HPSE2: variants seen among roughly 807,000 people sequenced by gnomAD.
HPSE2 encodes the protein inactive heparanase-2.
Under a neutral mutation model 60.5 loss-of-function variants are expected in HPSE2, and 38 were observed. The ratio of observed to expected loss-of-function variants is 0.63; its 90% CI spans 0.48 to 0.82. The LOEUF (loss-of-function observed/expected upper bound fraction) is 0.82, where lower values mean the gene tolerates loss of function less well. Ranked by LOEUF, HPSE2 falls within the 40% of genes least tolerant of loss-of-function variation. HPSE2 has a pLI of 0.00. For synonymous variants in HPSE2, 295 were observed against 293.2 expected (o/e 1.01, Z -0.06); for missense variants, 713 against 740.4 (o/e 0.96, Z 0.43).
rs550649297 is a variant in HPSE2, at chr10:98,991,455, A to G, written c.610+152783T>C. Among the ~76,000 whole-genome samples, 3 of 152,290 alleles carry G rather than the reference A, an allele frequency of 2.0e-5. No individual in the cohort carries two copies. In the East Asian group the frequency reaches 5.8e-4, roughly 29 times the overall value. ...ATTTTAAGGAAGAGTAAAGAGGCCA[A>G]TGAATATAACAAATAAGAGAGTAGG... On this transcript the variant is annotated intron_variant, in intron 3 of 11. Transcript: ENST00000370552.
chr10:98,975,915 A>T (rs1589449838), intron 3 of HPSE2, among the ~76,000 whole-genome samples: 1 of 152,294 alleles, frequency 6.6e-6, no homozygotes, highest in East Asian at 1.9e-4. Flanking sequence ...CATTTTAGAG[A>T]AAAAGGCTAA....
chr10:98,884,367 G>A (rs1391916353), intron 3 of HPSE2, among the ~76,000 whole-genome samples: 2 of 152,140 alleles, frequency 1.3e-5, no homozygotes, highest in South Asian at 2.1e-4. Flanking sequence ...GATTTTCGAC[G>A]TAGTTGAAAC....
intron 3 of HPSE2, among the ~76,000 whole-genome samples, chr10:99,143,000 G>A (rs1845917260): frequency 6.6e-6 from 1 of 152,000 alleles, no homozygotes; most frequent in Non-Finnish European, 1.5e-5. Context: ...AAATACATAT[G>A]AGGTTGACTG....
chr10:99,055,855 G>A (rs927832097), intron 3 of HPSE2, among the ~76,000 whole-genome samples: 3 of 151,996 alleles, frequency 2.0e-5, no homozygotes, highest in African/African-American at 7.2e-5. Context: ...AGCTTTAAGC[G>A]CCTATATTAG....
At chr10:98,683,218 G>A (rs1233671265) in intron 6 of HPSE2, among the ~76,000 whole-genome samples, 1 of 152,038 alleles carries the variant, frequency 6.6e-6, no homozygotes, top group Non-Finnish European at 1.5e-5. Context: ...ACCTTTTTAT[G>A]TCTCTCTCCT....
At chr10:98,854,010 C>A (rs1294257535) in intron 3 of HPSE2, among the ~76,000 whole-genome samples, 9 of 152,030 alleles carry the variant, frequency 5.9e-5, no homozygotes, top group Non-Finnish European at 1.3e-4. Context: ...TTGTATGTCT[C>A]AATAATTTTA....
At chr10:98,551,228 T>C (rs1365949492) in intron 9 of HPSE2, among the ~76,000 whole-genome samples, 4 of 152,068 alleles carry the variant, frequency 2.6e-5, no homozygotes, top group African/African-American at 9.7e-5. Flanking sequence ...ATCAGGAAAG[T>C]AAGACAACCA....
At chr10:98,597,118 G>T (rs141450327) in intron 9 of HPSE2, among the ~76,000 whole-genome samples, 9,191 of 152,004 alleles carry the variant, frequency 0.06, 793 homozygotes, top group African/African-American at 0.18. Flanking sequence ...AGAACAGCAT[G>T]GGGGAAACTG....
At chr10:98,714,996 C>A (rs1388055104) in intron 5 of HPSE2, among the ~76,000 whole-genome samples, 1 of 151,838 alleles carries the variant, frequency 6.6e-6, no homozygotes, top group Non-Finnish European at 1.5e-5. Context: ...AATATGTCCA[C>A]TCATATCCTT....
intron 5 of HPSE2, among the ~76,000 whole-genome samples, chr10:98,701,401 A>G (rs1429965569): frequency 1.3e-5 from 2 of 150,158 alleles, no homozygotes; most frequent in African/African-American, 4.9e-5. Flanking sequence ...CAAAAAACCA[A>G]ACACCAAATA....
At chr10:98,741,753 C>T (rs561621792) in intron 4 of HPSE2, among the ~76,000 whole-genome samples, 2 of 152,264 alleles carry the variant, frequency 1.3e-5, no homozygotes, top group South Asian at 4.1e-4. Flanking sequence ...CCAAACAAAG[C>T]CTTTGGGCAT....
intron 3 of HPSE2, among the ~76,000 whole-genome samples, chr10:99,072,528 G>A (rs1842825315): frequency 6.6e-6 from 1 of 152,104 alleles, no homozygotes; most frequent in Non-Finnish European, 1.5e-5. Flanking sequence ...AGACATTCAT[G>A]CAGCTGACAA....
At chr10:98,726,197 G>T (rs1234663162) in intron 4 of HPSE2, among the ~76,000 whole-genome samples, 4 of 152,076 alleles carry the variant, frequency 2.6e-5, no homozygotes, top group African/African-American at 4.8e-5. Context: ...TATGTTTATT[G>T]TGGCACTATT....
At chr10:98,935,513 T>C (rs1398880443) in intron 3 of HPSE2, among the ~76,000 whole-genome samples, 1 of 144,326 alleles carries the variant, frequency 6.9e-6, no homozygotes, top group East Asian at 2.0e-4. Flanking sequence ...TTGCTTTCTA[T>C]TTGTTTCTTT....
chr10:98,695,132 A>G (rs1948178766), intron 5 of HPSE2, among the ~76,000 whole-genome samples: 1 of 152,206 alleles, frequency 6.6e-6, no homozygotes, highest in Non-Finnish European at 1.5e-5. Context: ...GGAGGAGTAC[A>G]TAAGAGAAAC....
At chr10:99,153,869 A>T (rs1198145395) in intron 2 of HPSE2, among the ~76,000 whole-genome samples, 2 of 151,404 alleles carry the variant, frequency 1.3e-5, no homozygotes, top group South Asian at 4.2e-4. Flanking sequence ...ATTTAGAAGA[A>T]TGTATAACTA....
intron 3 of HPSE2, among the ~76,000 whole-genome samples, chr10:99,020,467 G>A (rs1293592044): frequency 3.9e-5 from 6 of 152,150 alleles, no homozygotes; most frequent in Admixed American, 6.5e-5. Flanking sequence ...GTATCCTAGT[G>A]CATTTCAGTG....
intron 2 of HPSE2, among the ~76,000 whole-genome samples, chr10:99,224,082 T>A (rs1849398169): frequency 6.6e-6 from 1 of 152,212 alleles, no homozygotes; most frequent in South Asian, 2.1e-4. Flanking sequence ...ACAGTTCATG[T>A]TTATTCCTCT....
intron 3 of HPSE2, among the ~76,000 whole-genome samples, chr10:98,819,761 T>C (rs1413634049): frequency 1.3e-5 from 2 of 152,164 alleles, no homozygotes; most frequent in South Asian, 2.1e-4. Context: ...CCCTTCCTAA[T>C]ATCAGACAAT....
Sources: gnomAD v4.1 joint callset for allele counts (sites outside exome capture counted in the v4.1 genomes callset) on GRCh38, gnomAD v4.1.1 for gene constraint, MANE v1.5 for transcripts, NCBI Gene and HGNC (gene_info 2026-07-23, HGNC 2026-07-21) for gene names.